Variants in PCMT1 observed in about 807,000 individuals in gnomAD.
PCMT1 encodes protein-L-isoaspartate(D-aspartate) O-methyltransferase.
PCMT1 carries 9 observed loss-of-function variants against 29.2 expected under a neutral mutation model. The observed-to-expected ratio is 0.31, with a 90% CI of 0.19 to 0.54. The LOEUF (loss-of-function observed/expected upper bound fraction) is 0.54. Among genes scored for constraint, PCMT1 ranks in the 20% least tolerant of loss-of-function variants. The pLI is 0.95. For missense variants in PCMT1, 184 were observed against 282.2 expected (o/e 0.65, Z 2.49); for synonymous variants, 98 against 97.5 (o/e 1.00, Z -0.03).
intron 1 of PCMT1, among the ~76,000 whole-genome samples, chr6:149,757,877 A>T (rs1374052169): frequency 6.6e-6 from 1 of 152,048 alleles, no homozygotes; most frequent in Non-Finnish European, 1.5e-5. Context: ...TTTATGATTT[A>T]AAAAATATTT....
chr6:149,779,500 T>G (rs1787720798), intron 3 of PCMT1, among the ~76,000 whole-genome samples: 4 of 152,024 alleles, frequency 2.6e-5, no homozygotes, highest in Admixed American at 2.6e-4. Context: ...ACTACCTAAA[T>G]GAAAGATTTA....
chr6:149,777,328 GT>G (rs1439014139), intron 3 of PCMT1, among the ~76,000 whole-genome samples: 1 of 152,202 alleles, frequency 6.6e-6, no homozygotes, highest in Non-Finnish European at 1.5e-5. Flanking sequence ...TAGAATGCAT[GT>G]ATGGGTACTT....
At chr6:149,785,920 G>C (rs1189218705) in intron 3 of PCMT1, among the ~76,000 whole-genome samples, 1 of 151,926 alleles carries the variant, frequency 6.6e-6, no homozygotes, top group Non-Finnish European at 1.5e-5. Flanking sequence ...ATGAGCTGTT[G>C]GGCACACCTC....
In PCMT1 at chr6:149,762,956, G is replaced by GATATA. The variant is rs1562398909; in HGVS notation, c.56-8206_56-8205insATATA. On this transcript the variant is annotated intron_variant, in intron 1 of 7. Transcript: ENST00000464889. ...TATATGATATATATATCTATGATATGTATATCTATGATATATATGATATAT... is the reference window on the plus strand; with the variant it reads ...TATATGATATATATATCTATGATATGATATATATATCTATGATATATATGATATAT... 2.2e-4 allele frequency among the ~76,000 whole-genome samples: 9 copies of GATATA among 40,898 alleles called. 4 individuals are homozygous for GATATA. In the African/African-American group the frequency reaches 2.3e-3, roughly 10 times the overall value. The allele number at this position is 40,898 out of a possible 152,430, so 26.8% of individuals were successfully genotyped here. A position where few individuals can be genotyped will look rare whatever the true frequency, so the allele number is the denominator to read the frequency against.
intron 3 of PCMT1, among the ~76,000 whole-genome samples, chr6:149,789,232 T>A (rs1487638700): frequency 6.6e-6 from 1 of 151,996 alleles, no homozygotes; most frequent in Non-Finnish European, 1.5e-5. Flanking sequence ...GCTGCCACCA[T>A]GCCCAGCTAA....
chr6:149,793,422 A>G (rs1562419958), intron 4 of PCMT1, 127 bp from the exon 5 acceptor site: 4 of 668,936 alleles, frequency 6.0e-6, no homozygotes, highest in Admixed American at 4.2e-5. Context: ...TTAGCAATCT[A>G]TAGAAGCCTT....
Position 149,773,254 on chromosome 6 carries a change from G to A in PCMT1, c.192+85G>A. ...CTTTAGTAAAAAAGATTTAAAGAAA[G>A]TTGTATCAATTTATCATCTATGAGT... On this transcript the variant is annotated intron_variant, in intron 3 of 7. Coordinates refer to ENST00000464889, the MANE Select transcript of PCMT1 (RefSeq NM_001360452.2). The A allele has an allele frequency of 3.6e-6, 4 of 1,098,976 alleles. No individual in the cohort carries two copies. In the South Asian group the frequency reaches 4.0e-5, roughly 11 times the overall value. 68.1% of individuals were successfully genotyped at this position (1,098,976 alleles called of 1,614,324 possible).
At chr6:149,802,564 A>G (rs1371410378) in intron 7 of PCMT1, 148 bp downstream of exon 7, 4 of 1,174,696 alleles carry the variant, frequency 3.4e-6, no homozygotes, top group Non-Finnish European at 4.3e-6. Context: ...TTTAACATAT[A>G]TATCTTTGGG....
At chr6:149,764,468 G>C (rs759738505) in intron 1 of PCMT1, among the ~76,000 whole-genome samples, 22 of 152,228 alleles carry the variant, frequency 1.4e-4, no homozygotes, top group Non-Finnish European at 2.5e-4. Context: ...ATGCTTTCAG[G>C]CTAGGGACAG....
At chr6:149,770,610 G>C (rs1418154773) in intron 1 of PCMT1, among the ~76,000 whole-genome samples, 1 of 151,272 alleles carries the variant, frequency 6.6e-6, no homozygotes, top group Non-Finnish European at 1.5e-5. Flanking sequence ...GGAGGCTGAG[G>C]CAGGAGAATC....
At chr6:149,791,749 A>AT (rs948614655) in intron 4 of PCMT1, among the ~76,000 whole-genome samples, 13 of 152,124 alleles carry the variant, frequency 8.5e-5, no homozygotes, top group South Asian at 2.1e-4. Flanking sequence ...GATATCAGTG[A>AT]TTTTTTTTAA....
intron 1 of PCMT1, among the ~76,000 whole-genome samples, chr6:149,768,389 GC>G (rs1787177500): frequency 6.6e-6 from 1 of 151,430 alleles, no homozygotes; most frequent in African/African-American, 2.4e-5. Flanking sequence ...ACCGCACCTG[GC>G]CCCTAATTTT....
chr6:149,764,109 A>G (rs1786971470), intron 1 of PCMT1, among the ~76,000 whole-genome samples: 1 of 152,238 alleles, frequency 6.6e-6, no homozygotes, highest in Non-Finnish European at 1.5e-5. Context: ...TGGGATTTGA[A>G]TTAATTTCAG....
At chr6:149,803,100 C>T (rs984799924) in intron 7 of PCMT1, among the ~76,000 whole-genome samples, 1 of 149,538 alleles carries the variant, frequency 6.7e-6, no homozygotes, top group South Asian at 2.1e-4. Flanking sequence ...CCATCATTTC[C>T]TGCCCTGTTT....
rs180951792 is a variant in PCMT1, at chr6:149,774,302, C to T, written c.192+1133C>T. On this transcript the variant is annotated intron_variant, in intron 3 of 7. Transcript: ENST00000464889. Reference sequence around the variant, plus strand: ...TTGCCCAGGCTGGTGTGCAGTGGCGCGATCTTGGCTTGCTGCAACCTCCGC... The same window carrying T: ...TTGCCCAGGCTGGTGTGCAGTGGCGTGATCTTGGCTTGCTGCAACCTCCGC... 8.2e-4 allele frequency among the ~76,000 whole-genome samples: 122 copies of T among 149,656 alleles called. No individual in the cohort carries two copies. The East Asian group carries it at 9.5e-3, about 12-fold the overall frequency.
chr6:149,793,608 A>C lies in PCMT1; in HGVS notation c.357A>C (p.Ser119=), dbSNP rs142533009. 2 of 1,572,250 alleles carry C rather than the reference A, an allele frequency of 1.3e-6. No homozygotes were observed. Among genetic ancestry groups the C allele is most frequent in the Non-Finnish European group, 1.7e-6 (2 of 1,166,580 alleles). The change falls in exon 5 of 8, where the codon TCA becomes TCC. Residue 119 remains serine, a synonymous_variant. Coordinates refer to ENST00000464889, the MANE Select transcript of PCMT1 (RefSeq NM_001360452.2). ...IDHIKELVDD[S]VNNVRKDDPT... ...ACATTAAAGAGCTAGTAGATGACTCAGTAAATAATGTCAGGAAGGACGATC... is the reference window on the plus strand; with the variant it reads ...ACATTAAAGAGCTAGTAGATGACTCCGTAAATAATGTCAGGAAGGACGATC...
At chr6:149,800,292 C>A (rs756425546) in intron 6 of PCMT1, among the ~76,000 whole-genome samples, 1 of 151,938 alleles carries the variant, frequency 6.6e-6, no homozygotes, top group Non-Finnish European at 1.5e-5. Context: ...ATGTTGAAAG[C>A]CCGTCTCTAT....
chr6:149,804,279 TAAG>T (rs890992666), intron 7 of PCMT1, among the ~76,000 whole-genome samples: 174 of 152,154 alleles, frequency 1.1e-3, no homozygotes, highest in Admixed American at 2.9e-3. Context: ...TGAAATTTGA[TAAG>T]AAGAGTTGAT....
intron 6 of PCMT1, chr6:149,798,248 C>T (rs543435648): frequency 6.6e-6 from 1 of 150,878 alleles, no homozygotes; most frequent in East Asian, 2.0e-4. Context: ...GAAAATTTTA[C>T]AAGTCATAAA....
Sources: gnomAD v4.1 joint callset for allele counts (sites outside exome capture counted in the v4.1 genomes callset) on GRCh38, gnomAD v4.1.1 for gene constraint, MANE v1.5 for transcripts, NCBI Gene and HGNC (gene_info 2026-07-23, HGNC 2026-07-21) for gene names.